Variants in KLF5 observed in about 807,000 individuals in gnomAD.
KLF5 encodes KLF transcription factor 5, also known as Krueppel-like factor 5.
In KLF5, 9 loss-of-function variants were observed where a neutral mutation model predicts 36.9. The observed-to-expected ratio is 0.24, with a 90% CI of 0.15 to 0.43. The LOEUF is 0.43. Among genes scored for constraint, KLF5 ranks in the 20% least tolerant of loss-of-function variants. The probability of loss-of-function intolerance (pLI) is 1.00; values close to 1 mark genes in which losing one functional copy is unlikely to be tolerated. For missense variants in KLF5, 524 were observed against 599.5 expected (o/e 0.87, Z 1.31); for synonymous variants, 246 against 241.7 (o/e 1.02, Z -0.17).
chr13:73,075,720 A>G lies in KLF5; in HGVS notation c.1208A>G (p.Tyr403Cys). 6.2e-7 allele frequency: 1 copy of G among 1,602,370 alleles called. No individual in the cohort carries two copies. The highest frequency in any genetic ancestry group is 8.5e-7 in the Non-Finnish European group (1 of 1,170,830). The part of the protein sequence containing the change: ...HLRTHTGEKP[Y>C]KCTWEGCDWR... ...TTCGTTGTCACAGGTGAAAAGCCAT[A>G]CAAGTGTACCTGGGAAGGCTGCGAC... is the stretch of plus-strand genomic sequence containing the variant. The change falls in exon 4 of 4, where the codon TAC (tyrosine) becomes TGC (cysteine). Residue 403 changes from tyrosine to cysteine, a missense_variant. By Grantham distance (194) the Tyr-to-Cys change is radical (BLOSUM62 -2). This residue lies in a region of KLF5 where 46 missense variants were observed against 105.8 expected (regional missense o/e 0.43). Transcript: ENST00000377687.
intron 1 of KLF5, among the ~76,000 whole-genome samples, chr13:73,060,157 T>TA (rs535575783): frequency 0.22 from 26,091 of 116,516 alleles, 2,952 homozygotes; most frequent in Admixed American, 0.32. Flanking sequence ...TATTTTTCCT[T>TA]AAAAAAAAAA....
chr13:73,063,253 GT>G (rs1311054332), intron 2 of KLF5, among the ~76,000 whole-genome samples: 1 of 152,180 alleles, frequency 6.6e-6, no homozygotes, highest in African/African-American at 2.4e-5. Flanking sequence ...TTTAAGAATG[GT>G]TTTGATGGCA....
intron 3 of KLF5, 93 bp downstream of exon 3, chr13:73,063,976 C>A: frequency 1.7e-6 from 1 of 593,870 alleles, no homozygotes; most frequent in Non-Finnish European, 2.8e-6. Context: ...ATCTCTTCTC[C>A]TGTCAACTTT....
intron 3 of KLF5, among the ~76,000 whole-genome samples, chr13:73,073,155 G>A (rs79530143): frequency 0.059 from 9,003 of 152,264 alleles, 337 homozygotes; most frequent in East Asian, 0.094. Context: ...CAGAAGTACT[G>A]TGCATAGTGT....
intron 3 of KLF5, among the ~76,000 whole-genome samples, chr13:73,074,645 A>G (rs1471822990): frequency 6.6e-6 from 1 of 152,174 alleles, no homozygotes; most frequent in East Asian, 1.9e-4. Context: ...ATGAATATTT[A>G]GTGGTTTTGA....
intron 3 of KLF5, among the ~76,000 whole-genome samples, chr13:73,072,298 C>G (rs995183303): frequency 6.6e-6 from 1 of 152,126 alleles, no homozygotes; most frequent in Non-Finnish European, 1.5e-5. Context: ...TTCCACTAAC[C>G]CACTGAAATT....
At chr13:73,066,145 C>T (rs969800681) in intron 3 of KLF5, among the ~76,000 whole-genome samples, 24 of 152,132 alleles carry the variant, frequency 1.6e-4, no homozygotes, top group African/African-American at 4.6e-4. Flanking sequence ...GGGTTTGTAG[C>T]AGACTTGTTC....
intron 3 of KLF5, among the ~76,000 whole-genome samples, chr13:73,065,474 G>A (rs112624252): frequency 6.6e-6 from 1 of 152,206 alleles, no homozygotes; most frequent in African/African-American, 2.4e-5. Flanking sequence ...TGAAATGAGC[G>A]GGCTGTTTTG....
At chr13:73,060,025 T>C (rs1466573343) in intron 1 of KLF5, among the ~76,000 whole-genome samples, 1 of 151,110 alleles carries the variant, frequency 6.6e-6, no homozygotes, top group African/African-American at 2.4e-5. Flanking sequence ...GAAACGCAAA[T>C]TGGGGTGCTG....
chr13:73,058,177 T>C (rs1426881304), upstream of KLF5, among the ~76,000 whole-genome samples: 1 of 152,240 alleles, frequency 6.6e-6, no homozygotes, highest in Non-Finnish European at 1.5e-5. Context: ...TAGTCGTGCT[T>C]AAATTAGATT....
chr13:73,076,125 C>A lies in KLF5; in HGVS notation c.*239C>A. 1.2e-4 allele frequency: 38 copies of A among 313,502 alleles called. No homozygotes were observed. Among genetic ancestry groups the A allele is most frequent in the Non-Finnish European group, 1.4e-4 (25 of 173,400 alleles). 19.4% of individuals were successfully genotyped at this position (313,502 alleles called of 1,614,324 possible). A position where few individuals can be genotyped will look rare whatever the true frequency, so the allele number is the denominator to read the frequency against. On this transcript the variant is annotated 3_prime_UTR_variant, in exon 4 of 4. Coordinates refer to ENST00000377687, the MANE Select transcript of KLF5 (RefSeq NM_001730.5). ...TATATGGCTTTACTCAAGCAGATCT[C>A]ATCTCATGACAGGCAGCCACGTCTC...
chr13:73,069,103 A>G (rs1188908527), intron 3 of KLF5, among the ~76,000 whole-genome samples: 1 of 152,192 alleles, frequency 6.6e-6, no homozygotes, highest in African/African-American at 2.4e-5. Context: ...CTGAAAAAAT[A>G]ATAATAATAA....
At chr13:73,066,320 T>TG (rs1225777659) in intron 3 of KLF5, among the ~76,000 whole-genome samples, 3 of 124,496 alleles carry the variant, frequency 2.4e-5, no homozygotes, top group Non-Finnish European at 5.1e-5. Flanking sequence ...CCAGCAAAGG[T>TG]GTTTTTTTTT....
intron 3 of KLF5, among the ~76,000 whole-genome samples, chr13:73,074,533 C>T (rs991267478): frequency 6.6e-6 from 1 of 152,104 alleles, no homozygotes; most frequent in Non-Finnish European, 1.5e-5. Context: ...AATGTAGGAA[C>T]TGCTAGTTAA....
chr13:73,060,158 A>C (rs2044622912), intron 1 of KLF5, among the ~76,000 whole-genome samples: 1 of 22,200 alleles, frequency 4.5e-5, no homozygotes, highest in Admixed American at 6.4e-4. Flanking sequence ...ATTTTTCCTT[A>C]AAAAAAAAAA....
chr13:73,066,016 C>G (rs2044676899), intron 3 of KLF5, among the ~76,000 whole-genome samples: 1 of 152,140 alleles, frequency 6.6e-6, no homozygotes, highest in Non-Finnish European at 1.5e-5. Context: ...TGGTTTGGGT[C>G]CCTTGCATCA....
intron 3 of KLF5, among the ~76,000 whole-genome samples, chr13:73,067,598 C>G (rs2044689351): frequency 6.6e-6 from 1 of 151,744 alleles, no homozygotes; most frequent in Non-Finnish European, 1.5e-5. Context: ...TCTTTTTTTT[C>G]CCCCGTTTCA....
chr13:73,072,156 A>G lies in KLF5; in HGVS notation c.1196-3552A>G, dbSNP rs111829847. ...TTTAGGGAAAGGCCTTGGTATGTCT[A>G]TTGAATGTGTTCAGCAGAGCAGAGA... On this transcript the variant is annotated intron_variant, in intron 3 of 3. Transcript: ENST00000377687. Among the ~76,000 whole-genome samples, 452 of 152,288 alleles carry G rather than the reference A, an allele frequency of 3.0e-3. 3 individuals carry two copies. The highest frequency in any genetic ancestry group is 0.01 in the African/African-American group (416 of 41,548).
intron 1 of KLF5, 111 bp downstream of exon 1, chr13:73,059,699 G>A: frequency 1.1e-6 from 1 of 939,964 alleles, no homozygotes; most frequent in Non-Finnish European, 1.3e-6. Flanking sequence ...GCGTCGGGGC[G>A]CACCGGAGCC....
Sources: allele counts gnomAD v4.1 joint callset (sites outside exome capture counted in the v4.1 genomes callset), GRCh38; gene constraint gnomAD v4.1.1; regional missense constraint gnomAD v4.1.1; transcripts MANE v1.5; gene names NCBI Gene and HGNC (gene_info 2026-07-23, HGNC 2026-07-21).